The following CNTN5 variants were observed in gnomAD, a reference collection of about 807,000 sequenced individuals.
CNTN5 encodes contactin-5.
CNTN5 carries 77 observed loss-of-function variants against 129.1 expected under a neutral mutation model. The observed-to-expected ratio is 0.60, with a 90% CI of 0.50 to 0.72. The LOEUF is 0.72. Among genes scored for constraint, CNTN5 ranks in the 30% least tolerant of loss-of-function variants. The pLI is 0.00. For missense variants in CNTN5, 1,478 were observed against 1,328.8 expected (o/e 1.11, Z -1.75); for synonymous variants, 509 against 465.6 (o/e 1.09, Z -1.20).
chr11:99,742,117 C>A (rs1248111594), intron 3 of CNTN5, among the ~76,000 whole-genome samples: 9 of 152,110 alleles, frequency 5.9e-5, no homozygotes, highest in African/African-American at 2.2e-4. Flanking sequence ...TATAACACAA[C>A]CAATGGAATT....
chr11:99,080,369 G>A (rs995993724), intron 1 of CNTN5, among the ~76,000 whole-genome samples: 1 of 152,170 alleles, frequency 6.6e-6, no homozygotes, highest in Admixed American at 6.5e-5. Flanking sequence ...AAAGTGGTGT[G>A]GAGAGAGCAT....
At chr11:99,885,302 A>T (rs932581615) in intron 6 of CNTN5, among the ~76,000 whole-genome samples, 5 of 152,094 alleles carry the variant, frequency 3.3e-5, no homozygotes, top group Non-Finnish European at 7.4e-5. Context: ...AAAGAAAAAG[A>T]AAGAAAGAAA....
intron 3 of CNTN5, among the ~76,000 whole-genome samples, chr11:99,819,331 TCCCCTCC>T (rs1946704501): frequency 9.9e-6 from 1 of 101,116 alleles, no homozygotes; most frequent in Non-Finnish European, 2.0e-5. Flanking sequence ...TCCCCTCCCC[TCCCCTCC>T]TTTCCTTAAT....
At chr11:99,414,554 G>A (rs1942557221) in intron 2 of CNTN5, among the ~76,000 whole-genome samples, 1 of 152,030 alleles carries the variant, frequency 6.6e-6, no homozygotes, top group South Asian at 2.1e-4. Context: ...TACATATACA[G>A]TATGTCATGA....
At chr11:99,116,748 A>T (rs1051903369) in intron 1 of CNTN5, among the ~76,000 whole-genome samples, 2 of 152,342 alleles carry the variant, frequency 1.3e-5, no homozygotes, top group East Asian at 3.9e-4. Context: ...TGGCAATGCC[A>T]TTTATTGAAA....
intron 2 of CNTN5, among the ~76,000 whole-genome samples, chr11:99,398,579 C>T (rs1941645094): frequency 6.6e-6 from 1 of 151,822 alleles, no homozygotes; most frequent in Non-Finnish European, 1.5e-5. Context: ...TTACTTTTTC[C>T]AGAATATCAT....
intron 7 of CNTN5, among the ~76,000 whole-genome samples, chr11:99,925,613 A>C (rs896394301): frequency 6.6e-6 from 1 of 152,188 alleles, no homozygotes; most frequent in Admixed American, 6.5e-5. Flanking sequence ...TGGTTAGAGT[A>C]GAGCAAAGAG....
chr11:99,799,842 T>C (rs936669849), intron 3 of CNTN5, among the ~76,000 whole-genome samples: 2 of 152,096 alleles, frequency 1.3e-5, no homozygotes, highest in African/African-American at 4.8e-5. Context: ...TCTTTGTATA[T>C]CTTGTGGAAT....
Position 99,306,346 on chromosome 11 carries a change from T to G in CNTN5, c.-209-19000T>G, listed in dbSNP as rs1037588321. Among the ~76,000 whole-genome samples the G allele has an allele frequency of 2.0e-5, 3 of 152,134 alleles. No homozygotes were observed. In the East Asian group the frequency reaches 5.8e-4, roughly 29 times the overall value. On this transcript the variant is annotated intron_variant, in intron 1 of 24. Coordinates refer to ENST00000524871, the MANE Select transcript of CNTN5 (RefSeq NM_014361.4). ...AATAATACTTATCTTTTAGGGTTAT[T>G]GTGCATTCACACAAAAAAATGAGAT...
intron 8 of CNTN5, among the ~76,000 whole-genome samples, chr11:99,968,900 A>G (rs139218358): frequency 6.6e-6 from 1 of 151,984 alleles, no homozygotes; most frequent in Admixed American, 6.6e-5. Context: ...CTCTGCAGGA[A>G]TATAGAAAAT....
intron 1 of CNTN5, among the ~76,000 whole-genome samples, chr11:99,160,458 G>A (rs1272964255): frequency 6.6e-6 from 1 of 152,044 alleles, no homozygotes; most frequent in African/African-American, 2.4e-5. Context: ...CTTTCTACTT[G>A]GCCATGTTTG....
chr11:99,733,245 C>T (rs1298795864), intron 3 of CNTN5, among the ~76,000 whole-genome samples: 1 of 150,736 alleles, frequency 6.6e-6, no homozygotes, highest in Non-Finnish European at 1.5e-5. Flanking sequence ...CTGCTTGAAC[C>T]TGGGAGGCGG....
intron 13 of CNTN5, among the ~76,000 whole-genome samples, chr11:100,078,662 C>G (rs1254509413): frequency 6.6e-6 from 1 of 152,064 alleles, no homozygotes. Context: ...AATTTATTAT[C>G]TTACTAAATT....
chr11:99,531,851 G>A (rs542965605), intron 2 of CNTN5, among the ~76,000 whole-genome samples: 3 of 152,304 alleles, frequency 2.0e-5, no homozygotes, highest in South Asian at 2.1e-4. Context: ...ACACCTGGCC[G>A]CCCAGGCAAA....
intron 3 of CNTN5, among the ~76,000 whole-genome samples, chr11:99,761,520 G>C (rs1006683475): frequency 6.6e-6 from 1 of 151,420 alleles, no homozygotes; most frequent in African/African-American, 2.4e-5. Flanking sequence ...GCGGTGTTTG[G>C]TTTTTTGTTC....
intron 16 of CNTN5, among the ~76,000 whole-genome samples, chr11:100,239,343 G>A (rs983720024): frequency 1.8e-4 from 28 of 152,132 alleles, no homozygotes; most frequent in Middle Eastern, 3.4e-3. Flanking sequence ...TGTAGACCAC[G>A]TCATATTTAG....
intron 2 of CNTN5, among the ~76,000 whole-genome samples, chr11:99,439,976 G>C (rs557892411): frequency 1.3e-5 from 2 of 152,052 alleles, no homozygotes; most frequent in African/African-American, 4.8e-5. Flanking sequence ...TGGATCATTC[G>C]AATAAATCAG....
At chr11:99,131,865 A>G (rs756228654) in intron 1 of CNTN5, among the ~76,000 whole-genome samples, 22 of 152,204 alleles carry the variant, frequency 1.4e-4, no homozygotes, top group South Asian at 4.1e-4. Context: ...ATTTCAAACA[A>G]TTGAACAGGA....
chr11:99,036,730 CTG>C lies in CNTN5; in HGVS notation c.-210+15463_-210+15464del, dbSNP rs540962946. Among the ~76,000 whole-genome samples the C allele has an allele frequency of 3.6e-3, 548 of 152,296 alleles. 3 individuals are homozygous for C. Among genetic ancestry groups the C allele is most frequent in the Middle Eastern group, 6.8e-3 (2 of 294 alleles). The stretch of plus-strand genomic sequence containing the variant: ...GTCTCGTCCCACTGTAGCCAACACA[CTG>C]TGCTACCAAACTGCTTGTTCTATGC... On this transcript the variant is annotated intron_variant, in intron 1 of 24. Transcript: ENST00000524871.
Sources: gnomAD v4.1 joint callset for allele counts (sites outside exome capture counted in the v4.1 genomes callset) on GRCh38, gnomAD v4.1.1 for gene constraint, MANE v1.5 for transcripts, NCBI Gene and HGNC (gene_info 2026-07-23, HGNC 2026-07-21) for gene names.